Variants in LAPTM4B observed in about 807,000 individuals in gnomAD.
LAPTM4B encodes lysosomal protein transmembrane 4 beta, also known as lysosomal-associated transmembrane protein 4B.
LAPTM4B carries 26 observed loss-of-function variants against 28.5 expected under a neutral mutation model. The ratio of observed to expected loss-of-function variants is 0.91; its 90% CI spans 0.67 to 1.27. The LOEUF (loss-of-function observed/expected upper bound fraction) is 1.27, where lower values mean the gene tolerates loss of function less well. Among genes scored for constraint, LAPTM4B ranks in the 50% most tolerant of loss-of-function variants. The pLI is 0.00. For missense variants in LAPTM4B, 288 were observed against 285.8 expected, an observed-to-expected ratio of 1.01 and a Z score of -0.06; for synonymous variants, 109 against 106.4, an observed-to-expected ratio of 1.02 and a Z score of -0.15.
In LAPTM4B at chr8:97,776,171, G is replaced by A. The variant is rs1357832066; in HGVS notation, c.99+63G>A. 2.7e-6 allele frequency: 4 copies of A among 1,475,018 alleles called. No homozygotes were observed. In the Admixed American group the frequency reaches 9.4e-5, roughly 35 times the overall value. The allele number at this position is 1,475,018 out of a possible 1,614,324, so 91.4% of individuals were successfully genotyped here. ...TTCCGCGCCCCTAGCTGGGCTTCTG[G>A]CCCGGCCTCGCGGTGGGGTGAGGCG... On this transcript the variant is annotated intron_variant, in intron 1 of 6. Transcript: ENST00000521545.
At chr8:97,850,530 G>C (rs1232557111) in intron 6 of LAPTM4B, among the ~76,000 whole-genome samples, 1 of 138,416 alleles carries the variant, frequency 7.2e-6, no homozygotes, top group Admixed American at 7.2e-5. Context: ...CAAAATTTTA[G>C]TGTGGTTCTA....
At chr8:97,844,223 G>A (rs942363590) in intron 6 of LAPTM4B, among the ~76,000 whole-genome samples, 1 of 152,060 alleles carries the variant, frequency 6.6e-6, no homozygotes, top group African/African-American at 2.4e-5. Context: ...CTCCCAAGTA[G>A]CTGGGATTAC....
At position 97,815,359 on chromosome 8, in the gene LAPTM4B, C is replaced by T. The variant is rs1186020125; in HGVS notation, c.243C>T (p.Leu81=). 1.9e-6 allele frequency: 3 copies of T among 1,614,088 alleles called. No individual in the cohort carries two copies. The highest frequency in any genetic ancestry group is 2.2e-5 in the South Asian group (2 of 91,082). Residue 81 remains leucine, a synonymous_variant, in exon 3 of 7, where the codon CTC becomes CTT. Transcript: ENST00000521545. ...NMCIAIAISL[L]MILICAMATY... is the part of the protein sequence containing the mutation. ...GCATTGCCATTGCGATTTCTCTTCTCATGATCCTGATATGTGCTATGGCTA... is the reference window on the plus strand; with the variant it reads ...GCATTGCCATTGCGATTTCTCTTCTTATGATCCTGATATGTGCTATGGCTA...
chr8:97,851,405 A>G lies in LAPTM4B; in HGVS notation c.612A>G (p.Leu204=). The G allele has an allele frequency of 1.2e-6, 2 of 1,613,764 alleles. No homozygotes were observed. The highest frequency in any genetic ancestry group is 1.7e-6 in the Non-Finnish European group (2 of 1,179,762). ...YVTSNDTTVL[L]PPYDDATVNG... ...TCCCTCTTTCTTCTCAGGTGCTGCT[A>G]CCCCCGTATGATGATGCCACTGTGA... Residue 204 remains leucine, a synonymous_variant, in exon 7 of 7, where the codon CTA becomes CTG. Coordinates refer to ENST00000521545, the MANE Select transcript of LAPTM4B (RefSeq NM_018407.6).
chr8:97,808,805 A>C (rs1586330138), intron 2 of LAPTM4B, among the ~76,000 whole-genome samples: 1 of 152,020 alleles, frequency 6.6e-6, no homozygotes, highest in Non-Finnish European at 1.5e-5. Context: ...CTAAAAATAC[A>C]AAAAAAGTAG....
intron 1 of LAPTM4B, among the ~76,000 whole-genome samples, chr8:97,787,673 C>G (rs1417337566): frequency 1.3e-5 from 2 of 152,130 alleles, no homozygotes; most frequent in Non-Finnish European, 2.9e-5. Context: ...TCCTTTAACT[C>G]CAGTCGTTTC....
At chr8:97,849,420 A>G (rs1167840640) in intron 6 of LAPTM4B, among the ~76,000 whole-genome samples, 1 of 152,070 alleles carries the variant, frequency 6.6e-6, no homozygotes, top group Admixed American at 6.5e-5. Context: ...TGTTGGACTT[A>G]GTTTCCTGCT....
At chr8:97,792,998 A>T (rs1816528271) in intron 1 of LAPTM4B, among the ~76,000 whole-genome samples, 1 of 151,908 alleles carries the variant, frequency 6.6e-6, no homozygotes, top group Admixed American at 6.6e-5. Context: ...GAAATCATAC[A>T]AAGGATACAA....
At chr8:97,814,571 A>C (rs1208649145) in intron 2 of LAPTM4B, among the ~76,000 whole-genome samples, 2 of 152,144 alleles carry the variant, frequency 1.3e-5, no homozygotes, top group African/African-American at 4.8e-5. Flanking sequence ...AGAATGAACC[A>C]GATGATATGG....
At chr8:97,809,469 G>A (rs1172208172) in intron 2 of LAPTM4B, among the ~76,000 whole-genome samples, 1 of 152,180 alleles carries the variant, frequency 6.6e-6, no homozygotes, top group African/African-American at 2.4e-5. Context: ...GGAGGCCAAA[G>A]TGGGTGGATT....
At chr8:97,790,206 T>C (rs1011752099) in intron 1 of LAPTM4B, among the ~76,000 whole-genome samples, 15 of 152,122 alleles carry the variant, frequency 9.9e-5, no homozygotes, top group Non-Finnish European at 2.2e-4. Flanking sequence ...GATAAGCTTA[T>C]TTCCTTTCTT....
At chr8:97,841,718 G>A (rs770157856) in intron 6 of LAPTM4B, among the ~76,000 whole-genome samples, 1 of 151,996 alleles carries the variant, frequency 6.6e-6, no homozygotes, top group Non-Finnish European at 1.5e-5. Flanking sequence ...ACTCACAGAG[G>A]TTCATAATTC....
chr8:97,800,016 G>GT (rs1418966311), intron 1 of LAPTM4B, among the ~76,000 whole-genome samples: 5 of 152,066 alleles, frequency 3.3e-5, no homozygotes, highest in African/African-American at 1.2e-4. Flanking sequence ...ACCCCTGACT[G>GT]TAACTCTCCT....
At position 97,837,239 on chromosome 8, in the gene LAPTM4B, G is replaced by A. The variant is rs577974897; in HGVS notation, c.603+12086G>A. Among the ~76,000 whole-genome samples the A allele has an allele frequency of 2.1e-5, 3 of 145,440 alleles. No homozygotes were observed. The South Asian group carries it at 6.5e-4, about 32-fold the overall frequency. On this transcript the variant is annotated intron_variant, in intron 6 of 6. Coordinates refer to ENST00000521545, the MANE Select transcript of LAPTM4B (RefSeq NM_018407.6). ...AGACAGAGTCTCTGTCGCCCAGGCT[G>A]TGGAGTGCGTGGGTGTGATCTTGGC...
Position 97,825,059 on chromosome 8 carries a change from G to A in LAPTM4B, c.509G>A (p.Gly170Asp), listed in dbSNP as rs1483639350. The A allele has an allele frequency of 1.3e-6, 2 of 1,585,524 alleles. No individual in the cohort carries two copies. The highest frequency in any genetic ancestry group is 1.7e-6 in the Non-Finnish European group (2 of 1,154,770). The change falls in exon 6 of 7, where the codon GGT (glycine) becomes GAT (aspartate). Residue 170 changes from glycine (G) to aspartate (D), a missense_variant and splice_region_variant. Coordinates refer to ENST00000521545, the MANE Select transcript of LAPTM4B (RefSeq NM_018407.6). ...CTGATAATCACTCCTCATTTTCAGGGTTACTTGATTAGCTGTGTTTGGAAC... is the reference window on the plus strand; with the variant it reads ...CTGATAATCACTCCTCATTTTCAGGATTACTTGATTAGCTGTGTTTGGAAC... ...LFISIILTFK[G>D]YLISCVWNCY...
chr8:97,822,307 G>A (rs1210672430), intron 5 of LAPTM4B, among the ~76,000 whole-genome samples: 2 of 151,952 alleles, frequency 1.3e-5, no homozygotes, highest in African/African-American at 4.8e-5. Flanking sequence ...AAATTTGTGT[G>A]TGTGAGTAAT....
chr8:97,810,302 A>T (rs991170617), intron 2 of LAPTM4B, among the ~76,000 whole-genome samples: 2 of 152,224 alleles, frequency 1.3e-5, no homozygotes, highest in African/African-American at 2.4e-5. Context: ...ACACAATTAA[A>T]TGCACTGTGG....
At chr8:97,849,038 T>A (rs1817476914) in intron 6 of LAPTM4B, among the ~76,000 whole-genome samples, 1 of 152,248 alleles carries the variant, frequency 6.6e-6, no homozygotes, top group South Asian at 2.1e-4. Flanking sequence ...CTTCATGTGC[T>A]GACCTGTGCC....
At chr8:97,806,920 T>G (rs541748538) in intron 2 of LAPTM4B, among the ~76,000 whole-genome samples, 1 of 152,154 alleles carries the variant, frequency 6.6e-6, no homozygotes, top group Non-Finnish European at 1.5e-5. Context: ...ATCGCGCCAG[T>G]GCACTTCAGC....
Sources: allele counts gnomAD v4.1 joint callset (sites outside exome capture counted in the v4.1 genomes callset), GRCh38; gene constraint gnomAD v4.1.1; transcripts MANE v1.5; gene names NCBI Gene and HGNC (gene_info 2026-07-23, HGNC 2026-07-21).